TGDS: variants seen among roughly 807,000 people sequenced by gnomAD.
TGDS encodes UDP-D-glucose 4,6-dehydratase.
In TGDS, 47 loss-of-function variants were observed where a neutral mutation model predicts 52.3. The ratio of observed to expected loss-of-function variants is 0.90; its 90% CI spans 0.71 to 1.15. The LOEUF (loss-of-function observed/expected upper bound fraction) is 1.15. TGDS is among the 50% of genes most tolerant of loss of function. The pLI, the probability that TGDS is intolerant of heterozygous loss-of-function variation, is 0.00. For synonymous variants in TGDS, 115 were observed against 136.9 expected (o/e 0.84, Z 1.12); for missense variants, 375 against 418.4 (o/e 0.90, Z 0.90).
intron 1 of TGDS, among the ~76,000 whole-genome samples, chr13:94,595,382 T>C (rs565516294): frequency 2.6e-5 from 4 of 152,330 alleles, no homozygotes; most frequent in African/African-American, 7.2e-5. Context: ...TCTACCATGA[T>C]CTGATTGACT....
At chr13:94,591,312 G>A (rs1889195449) in intron 3 of TGDS, among the ~76,000 whole-genome samples, 1 of 152,330 alleles carries the variant, frequency 6.6e-6, no homozygotes. Context: ...TAGGCTGGGT[G>A]TGGTGGCTCA....
At chr13:94,589,367 T>C (rs907114675) in intron 4 of TGDS, among the ~76,000 whole-genome samples, 1 of 149,836 alleles carries the variant, frequency 6.7e-6, no homozygotes, top group African/African-American at 2.5e-5. Context: ...CAGGCTGGAG[T>C]GCAGTGGTGC....
At chr13:94,594,355 C>T (rs1002026741) in intron 1 of TGDS, among the ~76,000 whole-genome samples, 1 of 152,192 alleles carries the variant, frequency 6.6e-6, no homozygotes, top group Non-Finnish European at 1.5e-5. Context: ...ATAGTAACTT[C>T]TGCAATTGCT....
chr13:94,594,002 A>G, intron 1 of TGDS, 95 bp from the exon 2 acceptor site: 1 of 720,598 alleles, frequency 1.4e-6, no homozygotes, highest in African/African-American at 1.8e-5. Flanking sequence ...GAAAATACTC[A>G]AAGATAACTT....
At chr13:94,581,394 TGTAAGG>T (rs1888786701) in intron 5 of TGDS, among the ~76,000 whole-genome samples, 1 of 151,892 alleles carries the variant, frequency 6.6e-6, no homozygotes, top group Non-Finnish European at 1.5e-5. Flanking sequence ...GAACAGCAAG[TGTAAGG>T]GCCCTGAGAC....
At chr13:94,595,942 A>T in intron 1 of TGDS, 109 bp downstream of exon 1, 1 of 1,257,818 alleles carries the variant, frequency 8.0e-7, no homozygotes, top group Non-Finnish European at 1.2e-6. Context: ...CCCATATCAG[A>T]ATAAGGACCC....
chr13:94,581,275 A>C, intron 5 of TGDS, 86 bp from the exon 6 acceptor site: 1 of 871,500 alleles, frequency 1.1e-6, no homozygotes, highest in Non-Finnish European at 1.7e-6. Flanking sequence ...TCAAATGTCA[A>C]TCACCAAATT....
At chr13:94,575,703 C>A (rs1437498798) in intron 11 of TGDS, among the ~76,000 whole-genome samples, 4 of 152,070 alleles carry the variant, frequency 2.6e-5, no homozygotes, top group African/African-American at 7.2e-5. Context: ...TAATATTTGA[C>A]TTAAGTATTT....
At chr13:94,590,244 A>T (rs958719242) in intron 4 of TGDS, among the ~76,000 whole-genome samples, 1 of 148,592 alleles carries the variant, frequency 6.7e-6, no homozygotes, top group South Asian at 2.1e-4. Context: ...ACATATATTT[A>T]AAAACACCCT....
chr13:94,596,225 C>G, upstream of TGDS: 1 of 1,400,860 alleles, frequency 7.1e-7, no homozygotes. Context: ...ACGCGCCTCG[C>G]TCGCGGGACA....
chr13:94,578,214 A>G, intron 8 of TGDS, 44 bp from the exon 9 acceptor site: 2 of 1,586,126 alleles, frequency 1.3e-6, no homozygotes, highest in Non-Finnish European at 8.6e-7. Flanking sequence ...GTAAAAAGGT[A>G]AACTCTCCTA....
chr13:94,592,253 G>A lies in TGDS; in HGVS notation c.210C>T (p.Tyr70=). The A allele has an allele frequency of 6.2e-7, 1 of 1,609,902 alleles. No individual in the cohort carries two copies. Among genetic ancestry groups the A allele is most frequent in the Non-Finnish European group, 8.5e-7 (1 of 1,178,648 alleles). Residue 70 remains tyrosine, a synonymous_variant, in exon 3 of 12, where the codon TAC becomes TAT. Transcript: ENST00000261296. ...AAAATGTTCATACCTGTATAAATTT[G>A]TAGTTCTGTTTGTTAGAAATGGTTT... ...NLETISNKQN[Y]KFIQGDICDS...
intron 4 of TGDS, among the ~76,000 whole-genome samples, chr13:94,590,464 T>C (rs1189197606): frequency 2.0e-5 from 3 of 152,090 alleles, no homozygotes; most frequent in Non-Finnish European, 4.4e-5. Flanking sequence ...TTGAATATGT[T>C]ATATTTCATA....
At chr13:94,588,950 A>C (rs1889097170) in intron 4 of TGDS, among the ~76,000 whole-genome samples, 1 of 152,342 alleles carries the variant, frequency 6.6e-6, no homozygotes, top group East Asian at 1.9e-4. Context: ...GAAAAACATG[A>C]AATTGGGGTT....
In TGDS at chr13:94,587,822, C is replaced by T. The variant is rs376764135; in HGVS notation, c.313+3031G>A. The stretch of plus-strand genomic sequence containing the variant: ...ACCGTCCTGGCTAACACGGTGAAAC[C>T]CCGTCTCTATTAAAAATACAAAAAA... On this transcript the variant is annotated intron_variant, in intron 4 of 11. Transcript: ENST00000261296. Among the ~76,000 whole-genome samples the T allele has an allele frequency of 9.9e-5, 15 of 151,034 alleles. No individual in the cohort carries two copies. The South Asian group carries it at 2.9e-3, about 30-fold the overall frequency.
At chr13:94,583,572 A>C (rs1888877460) in intron 4 of TGDS, among the ~76,000 whole-genome samples, 1 of 152,216 alleles carries the variant, frequency 6.6e-6, no homozygotes, top group Non-Finnish European at 1.5e-5. Context: ...GCTTTTTAAG[A>C]TCAATCTGTT....
At chr13:94,595,484 A>G (rs1889342575) in intron 1 of TGDS, among the ~76,000 whole-genome samples, 2 of 152,210 alleles carry the variant, frequency 1.3e-5, no homozygotes, top group South Asian at 2.1e-4. Context: ...GCAGCAGTCG[A>G]GGCAAAAGAT....
intron 4 of TGDS, among the ~76,000 whole-genome samples, chr13:94,589,342 A>AGT (rs1889109323): frequency 7.0e-6 from 1 of 143,736 alleles, no homozygotes; most frequent in Non-Finnish European, 1.5e-5. Flanking sequence ...TTTAAGATGG[A>AGT]GTCTCTCTGT....
chr13:94,590,999 T>C, intron 3 of TGDS, 56 bp from the exon 4 acceptor site: 2 of 1,288,056 alleles, frequency 1.6e-6, no homozygotes, highest in East Asian at 2.6e-5. Flanking sequence ...CTCTCATTCA[T>C]AACCATTTTT....
Sources: gnomAD v4.1 joint callset for allele counts (sites outside exome capture counted in the v4.1 genomes callset) on GRCh38, gnomAD v4.1.1 for gene constraint, MANE v1.5 for transcripts, NCBI Gene and HGNC (gene_info 2026-07-23, HGNC 2026-07-21) for gene names.